The following CDH12 variants were observed in gnomAD, a reference collection of about 807,000 sequenced individuals.
CDH12 encodes the protein cadherin 12.
A neutral mutation model predicts 74.1 loss-of-function variants in CDH12; 41 were observed. The observed-to-expected ratio is 0.55, with a 90% confidence interval of 0.43 to 0.72. The LOEUF is 0.72. CDH12 is among the 30% of genes least tolerant of loss of function. CDH12 has a pLI of 0.00. For synonymous variants in CDH12, 399 were observed against 355.0 expected, an observed-to-expected ratio of 1.12 and a Z score of -1.39; for missense variants, 945 against 977.2, an observed-to-expected ratio of 0.97 and a Z score of 0.44.
chr5:22,484,790 A>G (rs938390282), intron 2 of CDH12, among the ~76,000 whole-genome samples: 7 of 152,192 alleles, frequency 4.6e-5, no homozygotes, highest in Non-Finnish European at 1.0e-4. Context: ...ATATTGCACA[A>G]ATATGTTTCT....
intron 2 of CDH12, among the ~76,000 whole-genome samples, chr5:22,489,247 C>T (rs1194445564): frequency 1.6e-4 from 24 of 151,070 alleles, no homozygotes; most frequent in Middle Eastern, 3.4e-3. Flanking sequence ...TTAGTAGAGA[C>T]GGGGTTTCAC....
rs548152732 is a variant in CDH12, at chr5:21,815,856, C to A, written c.1002+1089G>T. On this transcript the variant is annotated intron_variant, in intron 9 of 14. Transcript: ENST00000382254. ...AAGACTGATGGGGTTAGAGTTACTT[C>A]TCAATCTTGTTTTTAAATTAATCTT... Among the ~76,000 whole-genome samples the A allele has an allele frequency of 9.0e-4, 137 of 152,216 alleles. 1 individual carries two copies. Among genetic ancestry groups the A allele is most frequent in the Middle Eastern group, 3.4e-3 (1 of 294 alleles).
chr5:22,346,635 G>T (rs749112080), intron 3 of CDH12, among the ~76,000 whole-genome samples: 1 of 152,146 alleles, frequency 6.6e-6, no homozygotes, highest in Non-Finnish European at 1.5e-5. Context: ...CTGGGAGTTG[G>T]TACGTGGCAT....
intron 4 of CDH12, among the ~76,000 whole-genome samples, chr5:22,195,255 T>C (rs1268338402): frequency 2.0e-5 from 3 of 152,158 alleles, no homozygotes; most frequent in Admixed American, 1.3e-4. Context: ...TCCTCAGCAG[T>C]AGTGTGCTTG....
intron 1 of CDH12, among the ~76,000 whole-genome samples, chr5:22,815,907 A>C (rs535666987): frequency 4.5e-4 from 68 of 152,222 alleles, no homozygotes; most frequent in Middle Eastern, 3.4e-3. Flanking sequence ...GGGTTATAGC[A>C]TTAGAAGAAA....
intron 1 of CDH12, among the ~76,000 whole-genome samples, chr5:22,507,544 A>G (rs1736438360): frequency 6.6e-6 from 1 of 152,206 alleles, no homozygotes; most frequent in African/African-American, 2.4e-5. Flanking sequence ...AACTCATTTT[A>G]TCATTCTGTT....
intron 1 of CDH12, among the ~76,000 whole-genome samples, chr5:22,802,119 A>ATT (rs397883677): frequency 3.6e-4 from 44 of 123,534 alleles, no homozygotes; most frequent in Non-Finnish European, 4.4e-4. Context: ...TTAAATTCGT[A>ATT]TTTTTTTTTT....
At chr5:22,396,866 T>C (rs1418513416) in intron 3 of CDH12, among the ~76,000 whole-genome samples, 2 of 152,152 alleles carry the variant, frequency 1.3e-5, no homozygotes, top group African/African-American at 4.8e-5. Context: ...TCCTACTGTC[T>C]GTCGTACCTC....
rs149042814 is a variant in CDH12, at chr5:21,808,345, G to T, written c.1003-5925C>A. Reference sequence around the variant, plus strand: ...GTCCCTTTTTACTTTTTACTCTTCTGTATTACTTCAATTTTTATAGTAAGC... The same window carrying T: ...GTCCCTTTTTACTTTTTACTCTTCTTTATTACTTCAATTTTTATAGTAAGC... On this transcript the variant is annotated intron_variant, in intron 9 of 14. Coordinates refer to ENST00000382254, the MANE Select transcript of CDH12 (RefSeq NM_004061.5). Among the ~76,000 whole-genome samples, 879 of 151,856 alleles carry T rather than the reference G, an allele frequency of 5.8e-3. 6 individuals carry two copies. The highest frequency in any genetic ancestry group is 0.02 in the African/African-American group (824 of 41,414).
At position 22,132,944 on chromosome 5, in the gene CDH12, T is replaced by C. The variant is rs148545701; in HGVS notation, c.-186-54082A>G. ...AGTTTTGATCAAACATGTTTTGTTT[T>C]CGATTATCACACATTCCACTCCAAA... On this transcript the variant is annotated intron_variant, in intron 4 of 14. Transcript: ENST00000382254. Among the ~76,000 whole-genome samples the C allele has an allele frequency of 3.5e-3, 533 of 152,202 alleles. 10 individuals carry two copies. In the East Asian group the frequency reaches 0.045, roughly 13 times the overall value.
intron 3 of CDH12, among the ~76,000 whole-genome samples, chr5:22,231,952 A>C (rs755643792): frequency 3.3e-5 from 5 of 151,936 alleles, no homozygotes; most frequent in African/African-American, 9.6e-5. Context: ...GAGAAGAAAG[A>C]GCATAAACAA....
Position 22,035,670 on chromosome 5 carries a change from T to C in CDH12, c.231+42776A>G, listed in dbSNP as rs1032474536. On this transcript the variant is annotated intron_variant, in intron 5 of 14. Transcript: ENST00000382254. Reference sequence around the variant, plus strand: ...TGTAATATTGGTGAAGAAAAAAAACTTTTATGAAGAGGTTTACTTCTTCTT... The same window carrying C: ...TGTAATATTGGTGAAGAAAAAAAACCTTTATGAAGAGGTTTACTTCTTCTT... Among the ~76,000 whole-genome samples the C allele has an allele frequency of 1.3e-4, 20 of 150,882 alleles. 1 individual carries two copies. In the South Asian group the frequency reaches 2.3e-3, roughly 17 times the overall value.
chr5:22,687,998 C>A (rs1057329906), intron 1 of CDH12, among the ~76,000 whole-genome samples: 1 of 152,000 alleles, frequency 6.6e-6, no homozygotes, highest in Non-Finnish European at 1.5e-5. Context: ...ATGGCCAATT[C>A]TGTAAGCCAA....
chr5:22,360,739 A>G (rs1386969783), intron 3 of CDH12, among the ~76,000 whole-genome samples: 1 of 152,180 alleles, frequency 6.6e-6, no homozygotes, highest in Non-Finnish European at 1.5e-5. Context: ...ACCATGATCA[A>G]GTGGGCTTCA....
chr5:22,051,262 G>A (rs1253588738), intron 5 of CDH12, among the ~76,000 whole-genome samples: 1 of 151,956 alleles, frequency 6.6e-6, no homozygotes, highest in Non-Finnish European at 1.5e-5. Flanking sequence ...TCCATAGAAG[G>A]CACTTAATAA....
At chr5:22,487,159 C>A (rs558179497) in intron 2 of CDH12, among the ~76,000 whole-genome samples, 2 of 151,872 alleles carry the variant, frequency 1.3e-5, no homozygotes, top group East Asian at 1.9e-4. Flanking sequence ...TGTGCCACCA[C>A]GCCCCACTAA....
chr5:22,601,109 A>T (rs1736835436), intron 1 of CDH12, among the ~76,000 whole-genome samples: 1 of 152,142 alleles, frequency 6.6e-6, no homozygotes, highest in African/African-American at 2.4e-5. Context: ...ATATTTGAAC[A>T]CATTTAAACT....
At chr5:21,831,087 A>T (rs1462303345) in intron 8 of CDH12, among the ~76,000 whole-genome samples, 1 of 151,802 alleles carries the variant, frequency 6.6e-6, no homozygotes, top group Admixed American at 6.6e-5. Context: ...CCAAGCAAAC[A>T]AACAAAAAAC....
chr5:22,700,528 T>A (rs1043142324), intron 1 of CDH12, among the ~76,000 whole-genome samples: 1 of 152,238 alleles, frequency 6.6e-6, no homozygotes, highest in African/African-American at 2.4e-5. Context: ...AAATGCATGA[T>A]GAAATATGTA....
Sources: allele counts gnomAD v4.1 joint callset (sites outside exome capture counted in the v4.1 genomes callset), GRCh38; gene constraint gnomAD v4.1.1; transcripts MANE v1.5; gene names NCBI Gene and HGNC (gene_info 2026-07-23, HGNC 2026-07-21).